The following BCR variants were observed in gnomAD, a reference collection of about 807,000 sequenced individuals.
BCR encodes the protein BCR activator of RhoGEF and GTPase.
In BCR, 58 loss-of-function variants were observed where a neutral mutation model predicts 138.6. That is an observed-to-expected ratio of 0.42 (90% CI 0.34 to 0.52). BCR has a LOEUF of 0.52. BCR is among the 20% of genes least tolerant of loss of function. The pLI is 0.06. For synonymous variants in BCR, 786 were observed against 730.1 expected (o/e 1.08, Z -1.23); for missense variants, 1,599 against 1,727.2 (o/e 0.93, Z 1.32).
At chr22:23,210,422 GAAAAAAA>G (rs1050301471) in intron 1 of BCR, among the ~76,000 whole-genome samples, 1 of 101,824 alleles carries the variant, frequency 9.8e-6, no homozygotes, top group Non-Finnish European at 2.2e-5. Context: ...GTCTCAAAAA[GAAAAAAA>G]AAAAAAAAAT....
chr22:23,184,162 C>T lies in BCR; in HGVS notation c.1279+1923C>T, dbSNP rs116247647. Among the ~76,000 whole-genome samples, 318 of 152,336 alleles carry T rather than the reference C, an allele frequency of 2.1e-3. 2 individuals are homozygous for T. The highest frequency in any genetic ancestry group is 7.3e-3 in the African/African-American group (302 of 41,578). ...GGAATGCAGTAGTATGATCATAGCT[C>T]ACTGCAACCTCAAAACTCTTGGGCT... is the stretch of plus-strand genomic sequence containing the variant. On this transcript the variant is annotated intron_variant, in intron 1 of 22. Transcript: ENST00000305877.
intron 1 of BCR, among the ~76,000 whole-genome samples, chr22:23,239,844 C>G (rs913424976): frequency 6.6e-6 from 1 of 151,796 alleles, no homozygotes; most frequent in South Asian, 2.1e-4. Flanking sequence ...GACAGCGTCT[C>G]CCTCTGGCTC....
chr22:23,201,734 T>C (rs528272460), intron 1 of BCR, among the ~76,000 whole-genome samples: 8 of 152,212 alleles, frequency 5.3e-5, no homozygotes, highest in Middle Eastern at 3.4e-3. Flanking sequence ...GGATTACAGG[T>C]GTGAGCCACC....
intron 1 of BCR, among the ~76,000 whole-genome samples, chr22:23,252,665 A>C (rs1414607868): frequency 6.6e-6 from 1 of 151,898 alleles, no homozygotes; most frequent in Non-Finnish European, 1.5e-5. Flanking sequence ...TCCTGACCTC[A>C]AGTGATCCAC....
intron 1 of BCR, chr22:23,242,676 A>G (rs1398813845): frequency 3.9e-6 from 1 of 256,286 alleles, no homozygotes; most frequent in Non-Finnish European, 8.0e-6. Flanking sequence ...AAGCCCTTCC[A>G]GCCCTCTCCT....
intron 2 of BCR, among the ~76,000 whole-genome samples, chr22:23,257,211 A>G (rs1304742592): frequency 6.6e-6 from 1 of 152,210 alleles, no homozygotes; most frequent in African/African-American, 2.4e-5. Context: ...TTCTTAGTCT[A>G]AGGAGAAGTG....
chr22:23,241,200 C>T (rs1020591893), intron 1 of BCR, among the ~76,000 whole-genome samples: 13 of 152,330 alleles, frequency 8.5e-5, no homozygotes, highest in African/African-American at 3.1e-4. Context: ...CGGGGCAGCC[C>T]AAGACCGAGA....
chr22:23,310,181 CCCGAGGGGCGGCT>C lies in BCR; in HGVS notation c.3073-140_3073-128del, dbSNP rs1443832316. ...CTTGCTGAAGTAGACTAGGGGCTTCCCCGAGGGGCGGCTCCACCTCATGCTGAGACCTCTGCAT... is the reference window on the plus strand; with the variant it reads ...CTTGCTGAAGTAGACTAGGGGCTTCCCCACCTCATGCTGAGACCTCTGCAT... On this transcript the variant is annotated intron_variant, in intron 17 of 22. Transcript: ENST00000305877. The C allele has an allele frequency of 9.2e-6, 5 of 541,042 alleles. No individual in the cohort carries two copies. In the Admixed American group the frequency reaches 1.2e-4, roughly 13 times the overall value. The allele number at this position is 541,042 out of a possible 1,614,324, so 33.5% of individuals were successfully genotyped here.
At chr22:23,268,227 CT>C (rs1191431319) in intron 4 of BCR, among the ~76,000 whole-genome samples, 180 bp from the exon 5 acceptor site, 1 of 152,192 alleles carries the variant, frequency 6.6e-6, no homozygotes. Flanking sequence ...GGGAAGTGTG[CT>C]GGGTGCGTGG....
rs755316714 is a variant in BCR, at chr22:23,273,786, A to G, written c.2115+12A>G. 4 of 1,613,630 alleles carry G rather than the reference A, an allele frequency of 2.5e-6. No homozygotes were observed. The highest frequency in any genetic ancestry group is 1.3e-5 in the African/African-American group (1 of 74,930). Reference sequence around the variant, plus strand: ...TGAAGAAGGGAGAGGTGAGTGTGGCAGGGGATGGCTTGGGTCCACCCATCC... The same window carrying G: ...TGAAGAAGGGAGAGGTGAGTGTGGCGGGGGATGGCTTGGGTCCACCCATCC... On this transcript the variant is annotated intron_variant, in intron 8 of 22. Coordinates refer to ENST00000305877, the MANE Select transcript of BCR (RefSeq NM_004327.4).
Position 23,182,050 on chromosome 22 carries a change from C to G in BCR, c.1090C>G (p.Arg364Gly). 6.2e-7 allele frequency: 1 copy of G among 1,613,640 alleles called. No homozygotes were observed. The highest frequency in any genetic ancestry group is 8.5e-7 in the Non-Finnish European group (1 of 1,179,970). The change falls in exon 1 of 23, where the codon CGG becomes GGG. Residue 364 changes from arginine (R) to glycine (G), a missense_variant. Around this residue, in one of 4 missense-constraint regions of BCR, gnomAD observed 806 missense variants for 635.0 expected, o/e 1.27. Transcript: ENST00000305877. ...SPSPTTYRMF[R>G]DKSRSPSQNS... is the part of the protein sequence containing the mutation. ...AAGCCCCACCACCTACCGCATGTTC[C>G]GGGACAAAAGCCGCTCTCCCTCGCA...
intron 16 of BCR, among the ~76,000 whole-genome samples, chr22:23,295,644 A>G (rs1238561786): frequency 6.6e-6 from 1 of 152,136 alleles, no homozygotes; most frequent in Non-Finnish European, 1.5e-5. Flanking sequence ...GGGTGCACAC[A>G]GACAGGTCTC....
intron 1 of BCR, among the ~76,000 whole-genome samples, chr22:23,206,470 G>A (rs538544286): frequency 1.3e-5 from 2 of 151,968 alleles, no homozygotes; most frequent in Non-Finnish European, 2.9e-5. Flanking sequence ...CCAGCTACTC[G>A]GGAGGCTGAG....
rs761644596 is a variant in BCR, at chr22:23,315,523, AGGTCCC to A, written c.*2_*7del. The A allele has an allele frequency of 6.2e-7, 1 of 1,612,064 alleles. No individual in the cohort carries two copies. The highest frequency in any genetic ancestry group is 1.3e-5 in the African/African-American group (1 of 75,012). ...CATCCTGTTCTCCACCGAAGTCTAA[AGGTCCC>A]AGTCCATCTCCTGGAGGCGGACAGA... On this transcript the variant is annotated 3_prime_UTR_variant, in exon 23 of 23. Coordinates refer to ENST00000305877, the MANE Select transcript of BCR (RefSeq NM_004327.4).
At chr22:23,240,479 G>T (rs1395031427) in intron 1 of BCR, among the ~76,000 whole-genome samples, 2 of 151,398 alleles carry the variant, frequency 1.3e-5, no homozygotes, top group African/African-American at 4.9e-5. Context: ...GTGAAACCCC[G>T]TCTCTACTAA....
intron 16 of BCR, among the ~76,000 whole-genome samples, chr22:23,307,155 G>T (rs1367920871): frequency 6.6e-5 from 10 of 152,232 alleles, no homozygotes; most frequent in African/African-American, 2.4e-4. Context: ...GAGTGCAATG[G>T]CATGATCATG....
chr22:23,220,679 T>A (rs2072814672), intron 1 of BCR, among the ~76,000 whole-genome samples: 1 of 152,182 alleles, frequency 6.6e-6, no homozygotes. Context: ...TTCTGGGATA[T>A]GATGAAAATC....
rs113363985 is a variant in BCR, at chr22:23,229,864, T to C, written c.1280-23935T>C. Among the ~76,000 whole-genome samples, 411 of 152,250 alleles carry C rather than the reference T, an allele frequency of 2.7e-3. 2 individuals are homozygous for C. Among genetic ancestry groups the C allele is most frequent in the African/African-American group, 8.1e-3 (336 of 41,546 alleles). ...AGGGGCTTCACCTATTTGGTGGCGCTTGGTTAGTGTAGAGTGGAAAGAGTC... is the reference window on the plus strand; with the variant it reads ...AGGGGCTTCACCTATTTGGTGGCGCCTGGTTAGTGTAGAGTGGAAAGAGTC... On this transcript the variant is annotated intron_variant, in intron 1 of 22. Transcript: ENST00000305877.
At chr22:23,255,874 A>T (rs561114445) in intron 2 of BCR, among the ~76,000 whole-genome samples, 19 of 152,160 alleles carry the variant, frequency 1.2e-4, no homozygotes, top group Middle Eastern at 3.2e-3. Flanking sequence ...TCAGGTCCAG[A>T]GTTTCCAATC....
Sources: allele counts gnomAD v4.1 joint callset (sites outside exome capture counted in the v4.1 genomes callset), GRCh38; gene constraint gnomAD v4.1.1; regional missense constraint gnomAD v4.1.1; transcripts MANE v1.5; gene names NCBI Gene and HGNC (gene_info 2026-07-23, HGNC 2026-07-21).